The following QTGAL variants were observed in gnomAD, a reference collection of about 807,000 sequenced individuals.
QTGAL encodes BGnT-like protein 1.
At chr17:82,947,233 A>ATG in the QTGAL span, 1 of 502,996 alleles carries the variant, frequency 2.0e-6, no homozygotes, top group East Asian at 3.2e-5. Flanking sequence ...GCCTCTCTAC[A>ATG]TAAGGTGGCT....
chr17:83,045,818 T>C, the QTGAL span, among the ~76,000 whole-genome samples: 1 of 152,160 alleles, frequency 6.6e-6, no homozygotes, highest in African/African-American at 2.4e-5. Flanking sequence ...TTTATTTATT[T>C]ATTTATTATT....
the QTGAL span, among the ~76,000 whole-genome samples, chr17:83,011,252 G>A: frequency 3.3e-5 from 5 of 152,354 alleles, no homozygotes; most frequent in South Asian, 2.1e-4. Flanking sequence ...GTTACAGGGC[G>A]CAATGCGGGT....
At chr17:83,030,648 T>C in the QTGAL span, 1 of 152,438 alleles carries the variant, frequency 6.6e-6, no homozygotes, top group Non-Finnish European at 1.5e-5. Flanking sequence ...GACTCGACAA[T>C]GCTGTAGAGC....
chr17:83,009,838 T>C, the QTGAL span, among the ~76,000 whole-genome samples: 1 of 151,870 alleles, frequency 6.6e-6, no homozygotes, highest in Non-Finnish European at 1.5e-5. Flanking sequence ...AGCTTCTGAA[T>C]TACACTGAAG....
At chr17:83,024,297 G>A in the QTGAL span, among the ~76,000 whole-genome samples, 1 of 146,222 alleles carries the variant, frequency 6.8e-6, no homozygotes, top group African/African-American at 2.8e-5. Flanking sequence ...CTCCAGGCGG[G>A]CAGGCCCTGC....
chr17:82,998,478 T>A, the QTGAL span, among the ~76,000 whole-genome samples: 27 of 152,316 alleles, frequency 1.8e-4, no homozygotes, highest in South Asian at 2.1e-3. Context: ...CCTGAGTAGC[T>A]GGGACTACAG....
the QTGAL span, among the ~76,000 whole-genome samples, chr17:83,024,839 G>A: frequency 2.6e-5 from 4 of 152,246 alleles, no homozygotes; most frequent in Admixed American, 1.3e-4. Flanking sequence ...GGCCTGGGCC[G>A]TGCTGCTCAG....
chr17:83,015,464 C>T, the QTGAL span, among the ~76,000 whole-genome samples: 1 of 152,232 alleles, frequency 6.6e-6, no homozygotes, highest in African/African-American at 2.4e-5. The surrounding 1 kb of genome is among the most constrained non-coding windows in gnomAD (Gnocchi z 4.4). Flanking sequence ...TGCCATTCAG[C>T]AGCTGAACAC....
chr17:82,953,569 G>A, the QTGAL span, among the ~76,000 whole-genome samples: 84 of 152,192 alleles, frequency 5.5e-4, no homozygotes, highest in Admixed American at 2.1e-3. Flanking sequence ...ATTCACAGCC[G>A]AATTCTACCA....
chr17:83,019,310 C>G, the QTGAL span, among the ~76,000 whole-genome samples: 1 of 152,118 alleles, frequency 6.6e-6, no homozygotes, highest in African/African-American at 2.4e-5. Context: ...CAAAGACAGC[C>G]AGGCTTATAA....
the QTGAL span, among the ~76,000 whole-genome samples, chr17:83,043,403 C>T: frequency 6.6e-6 from 1 of 152,236 alleles, no homozygotes; most frequent in Non-Finnish European, 1.5e-5. Context: ...GAAAGCTAAA[C>T]CATATACTCT....
At chr17:82,998,963 T>A in the QTGAL span, among the ~76,000 whole-genome samples, 1 of 147,690 alleles carries the variant, frequency 6.8e-6, no homozygotes, top group Non-Finnish European at 1.5e-5. Context: ...TAGCTAAAAT[T>A]AAAAAAAAAA....
At chr17:83,035,283 G>A in the QTGAL span, among the ~76,000 whole-genome samples, 14 of 151,926 alleles carry the variant, frequency 9.2e-5, no homozygotes, top group Admixed American at 8.5e-4. Context: ...GGGTCCAAGC[G>A]ATTCTCCTGC....
the QTGAL span, among the ~76,000 whole-genome samples, chr17:82,983,489 G>A: frequency 1.3e-5 from 2 of 152,146 alleles, no homozygotes; most frequent in African/African-American, 4.8e-5. Context: ...TCGGGCACGC[G>A]TTAGAGACAC....
At chr17:83,038,159 A>G in the QTGAL span, among the ~76,000 whole-genome samples, 1 of 152,196 alleles carries the variant, frequency 6.6e-6, no homozygotes, top group Non-Finnish European at 1.5e-5. Context: ...ATGTTATCTA[A>G]TAGTCAATAT....
At chr17:82,983,798 G>C in the QTGAL span, among the ~76,000 whole-genome samples, 1 of 152,246 alleles carries the variant, frequency 6.6e-6, no homozygotes, top group African/African-American at 2.4e-5. Context: ...GTGTGCCTCA[G>C]ATTAACGGGT....
At chr17:83,018,396 A>G in the QTGAL span, among the ~76,000 whole-genome samples, 2 of 152,280 alleles carry the variant, frequency 1.3e-5, no homozygotes, top group Non-Finnish European at 2.9e-5. Context: ...CTTCAAAAAT[A>G]TATTTGTAAA....
At chr17:82,957,994 G>C in the QTGAL span, among the ~76,000 whole-genome samples, 3 of 152,002 alleles carry the variant, frequency 2.0e-5, no homozygotes, top group Non-Finnish European at 4.4e-5. Context: ...GCTGTCCCGG[G>C]GGGAGCAGGC....
chr17:82,989,052 G>A, the QTGAL span, among the ~76,000 whole-genome samples: 6 of 152,090 alleles, frequency 3.9e-5, no homozygotes, highest in East Asian at 1.9e-4. Context: ...ACATGCACGC[G>A]TATGTTCACT....
Sources: gnomAD v4.1 joint callset for allele counts (sites outside exome capture counted in the v4.1 genomes callset) on GRCh38, gnomAD v4.1.1 for gene constraint, Gnocchi (gnomAD v3.1) non-coding constraint, MANE v1.5 for transcripts, NCBI Gene and HGNC (gene_info 2026-07-23, HGNC 2026-07-21) for gene names.